Variants in RIC8B observed in about 807,000 individuals in gnomAD.
RIC8B encodes the protein chaperone Ric-8B.
Under a neutral mutation model 57.5 loss-of-function variants are expected in RIC8B, and 16 were observed. The observed-to-expected ratio is 0.28, with a 90% CI of 0.19 to 0.42. RIC8B has a LOEUF of 0.42. RIC8B is among the 10% of genes least tolerant of loss of function. The pLI, the probability that RIC8B is intolerant of heterozygous loss-of-function variation, is 1.00. For missense variants in RIC8B, 481 were observed against 677.0 expected (o/e 0.71, Z 3.21); for synonymous variants, 216 against 250.8 (o/e 0.86, Z 1.31).
In RIC8B at chr12:106,887,707, GA is replaced by G. The variant is rs1346480914; in HGVS notation, c.*1696del. ...TACTGAAAGAAGAAAAAGGCCAACT[GA>G]AAACTAGATAGTGAGATGAGAAGAA... On this transcript the variant is annotated 3_prime_UTR_variant, in exon 10 of 10. Coordinates refer to ENST00000392837, the MANE Select transcript of RIC8B (RefSeq NM_001330145.2). 6.6e-6 allele frequency: 1 copy of G among 152,174 alleles called. No homozygotes were observed. The highest frequency in any genetic ancestry group is 1.5e-5 in the Non-Finnish European group (1 of 68,010). 9.4% of individuals were successfully genotyped at this position (152,174 alleles called of 1,614,324 possible).
chr12:106,826,950 T>G (rs971353066), intron 4 of RIC8B, among the ~76,000 whole-genome samples: 1 of 152,170 alleles, frequency 6.6e-6, no homozygotes, highest in Non-Finnish European at 1.5e-5. Context: ...GGCGCACGCC[T>G]GTAGACCCAG....
intron 2 of RIC8B, among the ~76,000 whole-genome samples, chr12:106,803,214 T>TTA (rs758690591): frequency 1.2e-5 from 1 of 84,278 alleles, no homozygotes; most frequent in Non-Finnish European, 2.1e-5. Context: ...ATACCCTGTC[T>TTA]CAAAAAAAAA....
chr12:106,786,141 ATTTTTTTT>A (rs893618675), intron 2 of RIC8B, among the ~76,000 whole-genome samples: 20 of 73,926 alleles, frequency 2.7e-4, no homozygotes, highest in African/African-American at 7.8e-4. Context: ...CCCAAGGTGT[ATTTTTTTT>A]TTTTTTTTTT....
At chr12:106,804,543 G>A (rs1445079954) in intron 2 of RIC8B, among the ~76,000 whole-genome samples, 2 of 152,154 alleles carry the variant, frequency 1.3e-5, no homozygotes, top group African/African-American at 4.8e-5. Flanking sequence ...TTACAGGTAA[G>A]GAAGTAAATA....
chr12:106,778,128 A>G (rs984737022), intron 1 of RIC8B, among the ~76,000 whole-genome samples: 8 of 152,242 alleles, frequency 5.3e-5, no homozygotes, highest in Non-Finnish European at 1.2e-4. Flanking sequence ...GAACAAAAAA[A>G]TTAAACGTGG....
rs757396062 is a variant in RIC8B at position 106,825,677 on chromosome 12, G to C, written c.742-49G>C. On this transcript the variant is annotated intron_variant, in intron 3 of 9. Coordinates refer to ENST00000392837, the MANE Select transcript of RIC8B (RefSeq NM_001330145.2). ...ATGTAGTAAAGTAGCAGACCCCACT[G>C]TTCAGGCATTCAACCCCCAATGTTT... is the stretch of plus-strand genomic sequence containing the variant. 11 of 1,386,122 alleles carry C rather than the reference G, an allele frequency of 7.9e-6. No individual in the cohort carries two copies. In the African/African-American group the frequency reaches 1.3e-4, roughly 16 times the overall value. 85.9% of individuals were successfully genotyped at this position (1,386,122 alleles called of 1,614,324 possible). A position where few individuals can be genotyped will look rare whatever the true frequency, so the allele number is the denominator to read the frequency against.
chr12:106,872,623 G>A (rs887103279), intron 9 of RIC8B, among the ~76,000 whole-genome samples: 3 of 141,740 alleles, frequency 2.1e-5, no homozygotes, highest in South Asian at 2.2e-4. Flanking sequence ...AACCAAGGTC[G>A]CACCATTGCA....
At chr12:106,869,761 A>G (rs1950316172) in intron 8 of RIC8B, among the ~76,000 whole-genome samples, 1 of 152,134 alleles carries the variant, frequency 6.6e-6, no homozygotes, top group African/African-American at 2.4e-5. Flanking sequence ...CAACATGGTG[A>G]AACCCCGTCT....
chr12:106,878,951 C>G, intron 9 of RIC8B: 1 of 985,320 alleles, frequency 1.0e-6, no homozygotes, highest in Non-Finnish European at 1.2e-6. Flanking sequence ...ATCAAAAGAG[C>G]AGACTGGTGT....
chr12:106,838,559 G>C (rs1251043803), intron 4 of RIC8B, among the ~76,000 whole-genome samples: 4 of 151,268 alleles, frequency 2.6e-5, no homozygotes, highest in African/African-American at 9.7e-5. Context: ...AAAGAGGGAG[G>C]AGGAGCAGGA....
chr12:106,872,182 C>G (rs1320249506), intron 9 of RIC8B, among the ~76,000 whole-genome samples: 1 of 152,166 alleles, frequency 6.6e-6, no homozygotes, highest in Non-Finnish European at 1.5e-5. Flanking sequence ...ATTCTCCATA[C>G]CTTTGTATAG....
chr12:106,819,982 CG>C (rs1210389289), intron 3 of RIC8B, among the ~76,000 whole-genome samples: 1 of 151,870 alleles, frequency 6.6e-6, no homozygotes, highest in Non-Finnish European at 1.5e-5. Context: ...GGTGGGCCAG[CG>C]GGTTTCAAAG....
chr12:106,840,592 A>G (rs2136409693), intron 4 of RIC8B, among the ~76,000 whole-genome samples: 1 of 152,344 alleles, frequency 6.6e-6, no homozygotes, highest in Non-Finnish European at 1.5e-5. Context: ...AGAATAGCTC[A>G]AACACAGTGA....
chr12:106,774,850 G>A, intron 1 of RIC8B, 21 bp downstream of exon 1: 11 of 1,542,940 alleles, frequency 7.1e-6, no homozygotes, highest in Admixed American at 2.0e-5. Context: ...CTGGCCCCGG[G>A]CGTGCGGTAT....
chr12:106,888,884 C>CT lies in RIC8B; in HGVS notation c.*2872dup, dbSNP rs1951292345. On this transcript the variant is annotated 3_prime_UTR_variant, in exon 10 of 10. Transcript: ENST00000392837. The stretch of plus-strand genomic sequence containing the variant: ...GGAACAATCACCAGATATTGTGACC[C>CT]TTTCAGATGCCCAGTAGTCCTGGGA... The CT allele has an allele frequency of 6.6e-6, 1 of 152,166 alleles. No homozygotes were observed. Among genetic ancestry groups the CT allele is most frequent in the Admixed American group, 6.6e-5 (1 of 15,266 alleles). The allele number at this position is 152,166 out of a possible 1,614,324, so 9.4% of individuals were successfully genotyped here.
chr12:106,846,443 G>C (rs1157893750), intron 6 of RIC8B, among the ~76,000 whole-genome samples: 1 of 152,070 alleles, frequency 6.6e-6, no homozygotes, highest in East Asian at 1.9e-4. Context: ...AGGTAGTGCT[G>C]ATAAGGAGAG....
At chr12:106,858,091 G>C (rs1949781401) in intron 7 of RIC8B, among the ~76,000 whole-genome samples, 2 of 152,116 alleles carry the variant, frequency 1.3e-5, no homozygotes, top group African/African-American at 4.8e-5. Context: ...TTCTACATAA[G>C]AGAACAGTTA....
At chr12:106,869,557 G>A (rs919387953) in intron 8 of RIC8B, among the ~76,000 whole-genome samples, 1 of 151,856 alleles carries the variant, frequency 6.6e-6, no homozygotes, top group African/African-American at 2.4e-5. Flanking sequence ...TCTTAAAGGC[G>A]TGGCTTCTGA....
chr12:106,854,734 A>G (rs1362317781), intron 7 of RIC8B, among the ~76,000 whole-genome samples: 2 of 152,160 alleles, frequency 1.3e-5, no homozygotes, highest in Non-Finnish European at 2.9e-5. Flanking sequence ...GGTTGCAGTG[A>G]GCTGAGATCA....
Sources: allele counts gnomAD v4.1 joint callset (sites outside exome capture counted in the v4.1 genomes callset), GRCh38; gene constraint gnomAD v4.1.1; transcripts MANE v1.5; gene names NCBI Gene and HGNC (gene_info 2026-07-23, HGNC 2026-07-21).